Variants in TMEM132D observed in about 807,000 individuals in gnomAD.
TMEM132D encodes transmembrane protein 132D.
Under a neutral mutation model 62.3 loss-of-function variants are expected in TMEM132D, and 21 were observed. That is an observed-to-expected ratio of 0.34 (90% CI 0.24 to 0.49). The LOEUF is 0.49. Among genes scored for constraint, TMEM132D ranks in the 20% least tolerant of loss-of-function variants. The pLI is 0.99. For synonymous variants in TMEM132D, 621 were observed against 575.6 expected (o/e 1.08, Z -1.13); for missense variants, 1,346 against 1,402.8 (o/e 0.96, Z 0.65).
At chr12:129,733,024 C>T (rs544676431) in intron 1 of TMEM132D, among the ~76,000 whole-genome samples, 2 of 152,328 alleles carry the variant, frequency 1.3e-5, no homozygotes, top group Admixed American at 6.5e-5. Context: ...CTGTGTCACC[C>T]ACCCCTCTGA....
chr12:129,442,765 C>G (rs1872977600), intron 3 of TMEM132D, among the ~76,000 whole-genome samples: 1 of 152,182 alleles, frequency 6.6e-6, no homozygotes, highest in Non-Finnish European at 1.5e-5. Flanking sequence ...TAGCCTAAAA[C>G]TGGACCAGAA....
At chr12:129,428,415 G>A (rs952101772) in intron 3 of TMEM132D, among the ~76,000 whole-genome samples, 1 of 152,224 alleles carries the variant, frequency 6.6e-6, no homozygotes, top group Admixed American at 6.5e-5. Context: ...CCAAGGCACT[G>A]AAGGATTCCA....
chr12:129,759,913 CTTTTT>C (rs5801881), intron 1 of TMEM132D, among the ~76,000 whole-genome samples: 2 of 148,746 alleles, frequency 1.3e-5, no homozygotes, highest in South Asian at 4.2e-4. Context: ...TCTTATTTGC[CTTTTT>C]TTTTTGAGAC....
At chr12:129,339,775 C>T (rs572541190) in intron 3 of TMEM132D, among the ~76,000 whole-genome samples, 4 of 152,284 alleles carry the variant, frequency 2.6e-5, no homozygotes, top group South Asian at 4.1e-4. Context: ...CTGTGGGCCT[C>T]GCCTTCTGTT....
chr12:129,139,325 G>A (rs1876671791), intron 5 of TMEM132D, among the ~76,000 whole-genome samples: 1 of 152,098 alleles, frequency 6.6e-6, no homozygotes, highest in South Asian at 2.1e-4. Context: ...ACATGCAGTG[G>A]TGATTTACAA....
chr12:129,862,154 C>T (rs1873920441), intron 1 of TMEM132D, among the ~76,000 whole-genome samples: 1 of 152,202 alleles, frequency 6.6e-6, no homozygotes, highest in Admixed American at 6.5e-5. Flanking sequence ...TTCTCCTTTG[C>T]AATTCCCCGG....
chr12:129,295,147 T>C (rs1309985259), intron 4 of TMEM132D, among the ~76,000 whole-genome samples: 3 of 152,226 alleles, frequency 2.0e-5, no homozygotes, highest in African/African-American at 4.8e-5. Context: ...CTTTGCATGT[T>C]ACCTGCAACA....
At position 129,737,420 on chromosome 12, in the gene TMEM132D, C is replaced by A. The variant is rs557050315; in HGVS notation, c.80-36722G>T. Among the ~76,000 whole-genome samples, 171 of 152,300 alleles carry A rather than the reference C, an allele frequency of 1.1e-3. 1 individual carries two copies. Among genetic ancestry groups the A allele is most frequent in the African/African-American group, 3.7e-3 (155 of 41,564 alleles). On this transcript the variant is annotated intron_variant, in intron 1 of 8. Coordinates refer to ENST00000422113, the MANE Select transcript of TMEM132D (RefSeq NM_133448.3). ...ACACTTGAAATATTTCACACTGAAA[C>A]CTTAATTTCTTCTCTCTCTTGGGTT... is the stretch of plus-strand genomic sequence containing the variant.
intron 7 of TMEM132D, among the ~76,000 whole-genome samples, chr12:129,080,100 G>A (rs1265965702): frequency 6.6e-6 from 1 of 152,308 alleles, no homozygotes; most frequent in Non-Finnish European, 1.5e-5. Flanking sequence ...TTAGTCAATT[G>A]TGGAGGTTGC....
At chr12:129,187,832 C>G (rs573532734) in intron 5 of TMEM132D, among the ~76,000 whole-genome samples, 1 of 152,224 alleles carries the variant, frequency 6.6e-6, no homozygotes, top group Non-Finnish European at 1.5e-5. Context: ...TCCACTCTTA[C>G]GAAGTCGTAT....
At chr12:129,441,691 T>G (rs994464761) in intron 3 of TMEM132D, among the ~76,000 whole-genome samples, 8 of 152,212 alleles carry the variant, frequency 5.3e-5, no homozygotes, top group African/African-American at 1.9e-4. Flanking sequence ...TGTGCCCATA[T>G]GCTCACTGCA....
chr12:129,269,089 C>A (rs1232065465), intron 4 of TMEM132D, among the ~76,000 whole-genome samples: 3 of 151,832 alleles, frequency 2.0e-5, no homozygotes, highest in Non-Finnish European at 4.4e-5. Flanking sequence ...TTAATGGGTG[C>A]AGCACACCAA....
At chr12:129,100,998 C>T (rs1039461041) in intron 5 of TMEM132D, among the ~76,000 whole-genome samples, 7 of 151,862 alleles carry the variant, frequency 4.6e-5, no homozygotes, top group African/African-American at 9.7e-5. Context: ...AGGCAGGGAT[C>T]GAAGCTCTGT....
chr12:129,241,331 C>G (rs1016325923), intron 4 of TMEM132D, among the ~76,000 whole-genome samples: 1 of 152,096 alleles, frequency 6.6e-6, no homozygotes, highest in Non-Finnish European at 1.5e-5. Flanking sequence ...AACAAATAAT[C>G]TGATTGCCTT....
intron 2 of TMEM132D, among the ~76,000 whole-genome samples, chr12:129,639,738 G>A (rs1195989575): frequency 1.3e-5 from 2 of 152,154 alleles, no homozygotes; most frequent in African/African-American, 4.8e-5. Flanking sequence ...CTCCCCGAAT[G>A]TAGTTTACAT....
chr12:129,587,159 A>C (rs1250233898), intron 2 of TMEM132D, among the ~76,000 whole-genome samples: 1 of 152,192 alleles, frequency 6.6e-6, no homozygotes, highest in Non-Finnish European at 1.5e-5. Context: ...TCAATGATAG[A>C]TGGGATAAAA....
intron 1 of TMEM132D, among the ~76,000 whole-genome samples, chr12:129,777,702 TTATCA>T (rs1870984591): frequency 6.6e-6 from 1 of 152,214 alleles, no homozygotes; most frequent in Non-Finnish European, 1.5e-5. Context: ...TCCTCTTTTC[TTATCA>T]TATACCAACT....
chr12:129,872,839 T>C (rs1874296145), intron 1 of TMEM132D, among the ~76,000 whole-genome samples: 1 of 152,192 alleles, frequency 6.6e-6, no homozygotes, highest in African/African-American at 2.4e-5. Flanking sequence ...ATGTACCTCA[T>C]GCAAGATTCA....
intron 3 of TMEM132D, among the ~76,000 whole-genome samples, chr12:129,503,623 C>G (rs1435120311): frequency 2.0e-5 from 3 of 152,066 alleles, no homozygotes; most frequent in African/African-American, 7.2e-5. Flanking sequence ...AATTTAGTCC[C>G]CACAGGTCAT....
Sources: allele counts gnomAD v4.1 joint callset (sites outside exome capture counted in the v4.1 genomes callset), GRCh38; gene constraint gnomAD v4.1.1; transcripts MANE v1.5; gene names NCBI Gene and HGNC (gene_info 2026-07-23, HGNC 2026-07-21).